UBAP2L: variants seen among roughly 807,000 people sequenced by gnomAD.
UBAP2L encodes the protein ubiquitin associated protein 2 like, also known as ubiquitin-associated protein 2-like.
In UBAP2L, 12 loss-of-function variants were observed where a neutral mutation model predicts 130.6. That is an observed-to-expected ratio of 0.09 (90% CI 0.06 to 0.15). The LOEUF is 0.15. Ranked by LOEUF, UBAP2L falls within the 10% of genes least tolerant of loss-of-function variation. The pLI, the probability that UBAP2L is intolerant of heterozygous loss-of-function variation, is 1.00. For missense variants in UBAP2L, 965 were observed against 1,332.5 expected, an observed-to-expected ratio of 0.72 and a Z score of 4.29; for synonymous variants, 503 against 524.7, an observed-to-expected ratio of 0.96 and a Z score of 0.57.
chr1:154,240,878 A>G (rs1673301559), intron 8 of UBAP2L, among the ~76,000 whole-genome samples: 1 of 151,586 alleles, frequency 6.6e-6, no homozygotes, highest in South Asian at 2.1e-4. Context: ...ATTGACCACT[A>G]AATCAACCTG....
chr1:154,232,600 T>G (rs994500024), intron 4 of UBAP2L, among the ~76,000 whole-genome samples: 3 of 152,138 alleles, frequency 2.0e-5, no homozygotes, highest in Non-Finnish European at 2.9e-5. Context: ...TTAGGAAATA[T>G]AGGGAGAACA....
intron 15 of UBAP2L, chr1:154,254,544 T>C (rs1678968375): frequency 3.9e-6 from 2 of 507,584 alleles, no homozygotes; most frequent in Non-Finnish European, 6.9e-6. Context: ...ATGTGGACTT[T>C]GGGCCTTTCC....
intron 18 of UBAP2L, among the ~76,000 whole-genome samples, chr1:154,256,010 T>C (rs966742486): frequency 6.6e-5 from 10 of 152,176 alleles, no homozygotes; most frequent in Non-Finnish European, 1.2e-4. Context: ...GAATATATAG[T>C]TGGGCTTTGT....
At position 154,237,009 on chromosome 1, in the gene UBAP2L, T is replaced by C. The variant is rs1435042529; in HGVS notation, c.591-15T>C. 1.2e-6 allele frequency: 2 copies of C among 1,608,628 alleles called. No individual in the cohort carries two copies. The highest frequency in any genetic ancestry group is 1.7e-5 in the Admixed American group (1 of 59,800). ...TGCTTAGAGGTCAGAGACTCTTAAG[T>C]TTTATTTTTTCCAGAACCTTTAACC... On this transcript the variant is annotated splice_polypyrimidine_tract_variant and intron_variant, in intron 7 of 26. Coordinates refer to ENST00000428931, the MANE Select transcript of UBAP2L (RefSeq NM_014847.4).
chr1:154,244,185 C>A (rs764997124), intron 10 of UBAP2L, among the ~76,000 whole-genome samples: 1 of 152,142 alleles, frequency 6.6e-6, no homozygotes, highest in Non-Finnish European at 1.5e-5. Flanking sequence ...CTCAAAAATT[C>A]AGTTCTGACG....
At chr1:154,264,931 AG>A (rs1682775163) in intron 24 of UBAP2L, among the ~76,000 whole-genome samples, 1 of 152,154 alleles carries the variant, frequency 6.6e-6, no homozygotes, top group African/African-American at 2.4e-5. Flanking sequence ...CCTGTTACTC[AG>A]TGATTTGCCA....
intron 2 of UBAP2L, among the ~76,000 whole-genome samples, chr1:154,226,519 A>G (rs868465712): frequency 1.7e-4 from 26 of 152,352 alleles, no homozygotes; most frequent in African/African-American, 6.0e-4. Context: ...TAGTAGAATT[A>G]TAATACTTAG....
rs750663069 is a variant in UBAP2L at position 154,255,198 on chromosome 1, C to T, written c.1956C>T (p.Ser652=). 3 of 1,614,200 alleles carry T rather than the reference C, an allele frequency of 1.9e-6. No individual in the cohort carries two copies. The South Asian group carries it at 3.3e-5, about 18-fold the overall frequency. ...AATCTGATTCACCTTCCACTTCTAG[C>T]ATCCCCCCTCTCAATGAAACGGTAT... is the stretch of plus-strand genomic sequence containing the variant. ...AVKSDSPSTS[S]IPPLNETVSA... Residue 652 remains serine (S), a synonymous_variant, in exon 17 of 27, where the codon AGC becomes AGT. Coordinates refer to ENST00000428931, the MANE Select transcript of UBAP2L (RefSeq NM_014847.4).
In UBAP2L at chr1:154,270,371, G is replaced by A. The variant is rs774905546; in HGVS notation, c.*76G>A. On this transcript the variant is annotated 3_prime_UTR_variant, in exon 27 of 27. Transcript: ENST00000428931. Reference sequence around the variant, plus strand: ...TGGAAACTATGGAAACAGCATCAAAGAGAAAGGAATGTGGGGGGTTTCCGC... The same window carrying A: ...TGGAAACTATGGAAACAGCATCAAAAAGAAAGGAATGTGGGGGGTTTCCGC... 5.0e-6 allele frequency: 8 copies of A among 1,597,708 alleles called. No individual in the cohort carries two copies. The highest frequency in any genetic ancestry group is 1.6e-4 in the Middle Eastern group (1 of 6,066).
chr1:154,249,611 G>A (rs1488402564), intron 12 of UBAP2L, among the ~76,000 whole-genome samples, 174 bp downstream of exon 12: 2 of 152,062 alleles, frequency 1.3e-5, no homozygotes, highest in Non-Finnish European at 2.9e-5. Context: ...AGAAGTTGGG[G>A]AATAATAAAA....
At chr1:154,254,757 A>G in intron 15 of UBAP2L, 79 bp from the exon 16 acceptor site, 1 of 1,437,852 alleles carries the variant, frequency 7.0e-7, no homozygotes, top group African/African-American at 1.4e-5. Context: ...GACCAAAATA[A>G]AGCTGCATCA....
intron 15 of UBAP2L, 189 bp from the exon 16 acceptor site, chr1:154,254,646 GT>G (rs1679007766): frequency 2.7e-5 from 5 of 182,416 alleles, no homozygotes; most frequent in African/African-American, 1.1e-4. Flanking sequence ...TCTCAGTTTT[GT>G]TGTTTAATTT....
chr1:154,257,841 C>T (rs754169258), intron 20 of UBAP2L: 3 of 195,128 alleles, frequency 1.5e-5, no homozygotes, highest in South Asian at 9.7e-5. Flanking sequence ...TGTGTGTGTG[C>T]GTACAATGTG....
chr1:154,248,082 C>T (rs1676191333), intron 11 of UBAP2L, among the ~76,000 whole-genome samples: 2 of 152,040 alleles, frequency 1.3e-5, no homozygotes, highest in Admixed American at 6.6e-5. Context: ...ATTCTCCTGC[C>T]TCAGCCTCCT....
intron 3 of UBAP2L, among the ~76,000 whole-genome samples, chr1:154,228,121 G>C (rs997847947): frequency 6.6e-6 from 1 of 151,962 alleles, no homozygotes; most frequent in African/African-American, 2.4e-5. Flanking sequence ...TTTTTGGCGG[G>C]GGTTGGGGGG....
intron 1 of UBAP2L, 34 bp from the exon 2 acceptor site, chr1:154,225,050 C>T (rs1667491814): frequency 4.0e-6 from 6 of 1,516,016 alleles, no homozygotes; most frequent in South Asian, 3.4e-5. Context: ...ATTTTGCCCA[C>T]ATTTAATACC....
chr1:154,268,186 G>A (rs1254575197), intron 25 of UBAP2L, among the ~76,000 whole-genome samples: 1 of 151,496 alleles, frequency 6.6e-6, no homozygotes, highest in African/African-American at 2.4e-5. Context: ...ACTGCGCCCA[G>A]CCTTTTTTTT....
intron 3 of UBAP2L, among the ~76,000 whole-genome samples, chr1:154,228,309 TC>T (rs1380794488): frequency 3.9e-5 from 6 of 152,026 alleles, no homozygotes; most frequent in Non-Finnish European, 7.4e-5. Context: ...TGCCCCAGCC[TC>T]CCAAGTAGCT....
chr1:154,240,447 C>T (rs1035208516), intron 8 of UBAP2L, among the ~76,000 whole-genome samples: 1 of 152,128 alleles, frequency 6.6e-6, no homozygotes, highest in Non-Finnish European at 1.5e-5. Flanking sequence ...ACAGTGTATA[C>T]TCCCGTTGTC....
Sources: allele counts gnomAD v4.1 joint callset (sites outside exome capture counted in the v4.1 genomes callset), GRCh38; gene constraint gnomAD v4.1.1; transcripts MANE v1.5; gene names NCBI Gene and HGNC (gene_info 2026-07-23, HGNC 2026-07-21).